EP400: variants seen among roughly 807,000 people sequenced by gnomAD.
The protein encoded by EP400 is E1A binding protein p400.
A neutral mutation model predicts 354.1 loss-of-function variants in EP400; 105 were observed. That is an observed-to-expected ratio of 0.30 (90% CI 0.25 to 0.35). The LOEUF is 0.35. Among genes scored for constraint, EP400 ranks in the 10% least tolerant of loss-of-function variants. The pLI is 1.00. For missense variants in EP400, 3,280 were observed against 4,121.0 expected (o/e 0.80, Z 5.59); for synonymous variants, 1,646 against 1,716.9 (o/e 0.96, Z 1.02).
At chr12:132,058,671 C>T (rs1204136228) in intron 45 of EP400, among the ~76,000 whole-genome samples, 2 of 152,042 alleles carry the variant, frequency 1.3e-5, no homozygotes, top group Non-Finnish European at 2.9e-5. Flanking sequence ...TTTTATTCAC[C>T]AGGCAGTGGG....
chr12:132,040,493 C>T (rs956086375), intron 32 of EP400, among the ~76,000 whole-genome samples: 1 of 152,178 alleles, frequency 6.6e-6, no homozygotes, highest in Non-Finnish European at 1.5e-5. Flanking sequence ...GTGGATTTTC[C>T]ATATTGGCTG....
At chr12:132,012,391 G>T (rs770398060) in intron 16 of EP400, among the ~76,000 whole-genome samples, 1 of 152,168 alleles carries the variant, frequency 6.6e-6, no homozygotes, top group South Asian at 2.1e-4. Flanking sequence ...TCCCAGATGG[G>T]GCCTTGCTGC....
intron 2 of EP400, among the ~76,000 whole-genome samples, chr12:131,970,588 G>A (rs1441874491): frequency 6.6e-6 from 1 of 152,198 alleles, no homozygotes; most frequent in Non-Finnish European, 1.5e-5. Flanking sequence ...TGTCCTAGAG[G>A]AGTACTAATA....
chr12:131,951,780 T>C (rs901089888), intron 1 of EP400, among the ~76,000 whole-genome samples: 3 of 151,598 alleles, frequency 2.0e-5, no homozygotes, highest in Admixed American at 6.6e-5. Flanking sequence ...TTTTTTGTAT[T>C]GTTTGTTTGT....
At position 132,078,830 on chromosome 12, in the gene EP400, A is replaced by C. The variant is rs1896311706; in HGVS notation, c.*1157A>C. ...TGCTGTTGTGGAAGGCGTGCCGTTG[A>C]GGGGGAAAACGAAGCCCAGTATTTG... On this transcript the variant is annotated 3_prime_UTR_variant, in exon 53 of 53. Coordinates refer to ENST00000389561, the MANE Select transcript of EP400 (RefSeq NM_015409.5). 1 of 152,228 alleles carries C rather than the reference A, an allele frequency of 6.6e-6. No homozygotes were observed. The highest frequency in any genetic ancestry group is 1.5e-5 in the Non-Finnish European group (1 of 68,042). The allele number at this position is 152,228 out of a possible 1,614,324, so 9.4% of individuals were successfully genotyped here.
intron 7 of EP400, among the ~76,000 whole-genome samples, chr12:131,989,277 C>T (rs1443092777): frequency 6.6e-6 from 1 of 152,236 alleles, no homozygotes; most frequent in Non-Finnish European, 1.5e-5. Context: ...CTGCCTCTCG[C>T]TGGGGTAGAC....
intron 15 of EP400, among the ~76,000 whole-genome samples, chr12:132,008,870 T>G (rs1160375893): frequency 1.4e-5 from 2 of 147,988 alleles, no homozygotes; most frequent in Non-Finnish European, 3.0e-5. Context: ...TCCACCCACC[T>G]CAGCCTCCCA....
At chr12:132,073,755 T>G (rs1896138436) in intron 51 of EP400, among the ~76,000 whole-genome samples, 1 of 151,784 alleles carries the variant, frequency 6.6e-6, no homozygotes, top group African/African-American at 2.4e-5. Context: ...CCAGCCATAA[T>G]TCTGTCCTTT....
At chr12:132,031,623 A>G (rs570058155) in intron 29 of EP400, among the ~76,000 whole-genome samples, 9 of 152,322 alleles carry the variant, frequency 5.9e-5, no homozygotes, top group South Asian at 2.1e-4. Flanking sequence ...CAGTGGCGCA[A>G]TCTTGGCTCA....
intron 10 of EP400, among the ~76,000 whole-genome samples, 186 bp downstream of exon 10, chr12:131,991,642 A>G (rs1440680652): frequency 6.8e-6 from 1 of 147,864 alleles, no homozygotes; most frequent in Non-Finnish European, 1.5e-5. Context: ...GTGAAGTGGC[A>G]CGATCTCAGC....
chr12:132,016,703 A>T (rs555488362), intron 19 of EP400, among the ~76,000 whole-genome samples: 1 of 152,242 alleles, frequency 6.6e-6, no homozygotes, highest in East Asian at 1.9e-4. Context: ...TACTGCTGTC[A>T]TGGTAGCTTC....
rs956841662 is a variant in EP400 at position 131,986,544 on chromosome 12, C to T, written c.1960C>T (p.Pro654Ser). 7 of 1,611,326 alleles carry T rather than the reference C, an allele frequency of 4.3e-6. No homozygotes were observed. The highest frequency in any genetic ancestry group is 5.9e-6 in the Non-Finnish European group (7 of 1,178,454). ...MVASTRLPVDPAPPCPRPLPT... is the reference protein window; with the variant it reads ...MVASTRLPVDSAPPCPRPLPT... ...AGCATCGACAAGGCTCCCTGTGGAC[C>T]CTGCCCCGCCCTGCCCACGGCCTCT... Residue 654 changes from proline (P) to serine (S), a missense_variant, in exon 6 of 53, where the codon CCT becomes TCT. This residue lies in a region of EP400 where 800 missense variants were observed against 840.0 expected (regional missense o/e 0.95). Transcript: ENST00000389561.
At chr12:131,956,873 C>CT (rs58567170) in intron 1 of EP400, among the ~76,000 whole-genome samples, 85,279 of 115,312 alleles carry the variant, frequency 0.74, 34,452 homozygotes, top group Non-Finnish European at 0.87. Context: ...TTTTTTTGTC[C>CT]TTTTTTTTTT....
At position 132,044,948 on chromosome 12, in the gene EP400, C is replaced by T. The variant is rs1895035510; in HGVS notation, c.6779C>T (p.Pro2260Leu). The T allele has an allele frequency of 2.5e-6, 4 of 1,614,000 alleles. No homozygotes were observed. Among genetic ancestry groups the T allele is most frequent in the Non-Finnish European group, 3.4e-6 (4 of 1,180,014 alleles). Reference protein sequence around the residue: ...RKERKRHKTDPSAAGRKKKQR... With the variant: ...RKERKRHKTDLSAAGRKKKQR... ...GAGCGGAAGCGACACAAAACAGACC[C>T]CTCAGGTGCGCATCCCGAGGGCGTC... The change falls in exon 37 of 53, where the codon CCC (proline) becomes CTC (leucine). Residue 2260 changes from proline (P) to leucine (L), a missense_variant. Pro to Leu is a moderately conservative substitution (Grantham distance 98). Around this residue, in one of 20 missense-constraint regions of EP400, gnomAD observed 231 missense variants for 257.9 expected, o/e 0.90. Coordinates refer to ENST00000389561, the MANE Select transcript of EP400 (RefSeq NM_015409.5).
At chr12:132,064,544 C>T in intron 47 of EP400, 124 bp from the exon 48 acceptor site, 1 of 1,319,122 alleles carries the variant, frequency 7.6e-7, no homozygotes, top group Non-Finnish European at 1.0e-6. Context: ...CTGGATGCTG[C>T]ACGGTAGCAG....
intron 30 of EP400, among the ~76,000 whole-genome samples, chr12:132,035,738 A>G (rs1193578011): frequency 2.0e-5 from 3 of 149,328 alleles, no homozygotes; most frequent in Non-Finnish European, 3.0e-5. Context: ...GCGCACACCC[A>G]GGTTCACATG....
At position 132,021,173 on chromosome 12, in the gene EP400, T is replaced by C; in HGVS notation, c.4542T>C (p.His1514=). ...CCAGCACAGCCGCTAGCCCGGCCCA[T>C]CCTGCGAAACTGCGGGCCCAGACCA... is the stretch of plus-strand genomic sequence containing the variant. ...SASSTAASPA[H]PAKLRAQTTA... is the part of the protein sequence containing the mutation. The change falls in exon 23 of 53, where the codon CAT becomes CAC. Residue 1514 remains histidine, a synonymous_variant. Transcript: ENST00000389561. 6.2e-7 allele frequency: 1 copy of C among 1,601,146 alleles called. No individual in the cohort carries two copies. Among genetic ancestry groups the C allele is most frequent in the African/African-American group, 1.3e-5 (1 of 75,010 alleles).
intron 6 of EP400, 137 bp from the exon 7 acceptor site, chr12:131,987,568 T>A (rs757853856): frequency 2.9e-6 from 2 of 682,656 alleles, no homozygotes; most frequent in Non-Finnish European, 4.6e-6. Flanking sequence ...GATATTAAAC[T>A]GGGACCTTGT....
At chr12:131,973,033 A>T (rs1211940793) in intron 2 of EP400, among the ~76,000 whole-genome samples, 1 of 152,110 alleles carries the variant, frequency 6.6e-6, no homozygotes, top group Non-Finnish European at 1.5e-5. Context: ...TGCCTGACTG[A>T]TTTTTTAAAT....
Sources: gnomAD v4.1 joint callset for allele counts (sites outside exome capture counted in the v4.1 genomes callset) on GRCh38, gnomAD v4.1.1 for gene constraint, gnomAD v4.1.1 regional missense constraint, MANE v1.5 for transcripts, NCBI Gene and HGNC (gene_info 2026-07-23, HGNC 2026-07-21) for gene names.